ZBP1: variants seen among roughly 807,000 people sequenced by gnomAD.
The protein encoded by ZBP1 is Z-DNA-binding protein 1.
ZBP1 carries 42 observed loss-of-function variants against 41.1 expected under a neutral mutation model. The observed-to-expected ratio is 1.02, with a 90% confidence interval of 0.80 to 1.32. The LOEUF (loss-of-function observed/expected upper bound fraction) is 1.32. ZBP1 is among the 40% of genes most tolerant of loss of function. The pLI is 0.00. For synonymous variants in ZBP1, 214 were observed against 205.2 expected, an observed-to-expected ratio of 1.04 and a Z score of -0.37; for missense variants, 562 against 549.7, an observed-to-expected ratio of 1.02 and a Z score of -0.22.
At chr20:57,608,545 C>T (rs527571236) in intron 7 of ZBP1, among the ~76,000 whole-genome samples, 1 of 152,232 alleles carries the variant, frequency 6.6e-6, no homozygotes. Flanking sequence ...AGCCGGATCC[C>T]CATCTGGTGG....
chr20:57,615,159 G>A lies in ZBP1; in HGVS notation c.329-99C>T, dbSNP rs1600740340. On this transcript the variant is annotated intron_variant, in intron 3 of 7. Coordinates refer to ENST00000371173, the MANE Select transcript of ZBP1 (RefSeq NM_030776.3). ...GTGGCCCTGGACCCAGCCCCTCAAG[G>A]CCTGGTTTCCTCATCTGTAAAATGG... 3.7e-6 allele frequency: 5 copies of A among 1,343,582 alleles called. No individual in the cohort carries two copies. In the East Asian group the frequency reaches 6.9e-5, roughly 19 times the overall value. 83.2% of individuals were successfully genotyped at this position (1,343,582 alleles called of 1,614,324 possible).
In ZBP1 at chr20:57,613,013, C is replaced by T. The variant is rs1468821873; in HGVS notation, c.670+150G>A. 6.0e-6 allele frequency: 9 copies of T among 1,490,256 alleles called. No individual in the cohort carries two copies. Among genetic ancestry groups the T allele is most frequent in the African/African-American group, 2.8e-5 (2 of 71,800 alleles). 92.3% of individuals were successfully genotyped at this position (1,490,256 alleles called of 1,614,324 possible). ...CAGGTGTCCTCATTCTCAGGACGGC[C>T]GTAAAGGTGGACTGTGGGGGTCTGG... On this transcript the variant is annotated intron_variant, in intron 5 of 7. Coordinates refer to ENST00000371173, the MANE Select transcript of ZBP1 (RefSeq NM_030776.3). This position sits in a 1 kb window ranked among gnomAD's most constrained non-coding sequence, Gnocchi z 4.5.
rs1200591384 is a variant in ZBP1, at chr20:57,610,425, C to A, written c.875-58G>T. On this transcript the variant is annotated intron_variant, in intron 6 of 7. Coordinates refer to ENST00000371173, the MANE Select transcript of ZBP1 (RefSeq NM_030776.3). This position sits in a 1 kb window ranked among gnomAD's most constrained non-coding sequence, Gnocchi z 5.5. ...GGAGCAGCTGGACAGTGGCCGGGAACCCTGACCCCCAGCCTGGTTCACCCT... is the reference window on the plus strand; with the variant it reads ...GGAGCAGCTGGACAGTGGCCGGGAAACCTGACCCCCAGCCTGGTTCACCCT... 5 of 1,580,476 alleles carry A rather than the reference C, an allele frequency of 3.2e-6. No individual in the cohort carries two copies. In the African/African-American group the frequency reaches 4.0e-5, roughly 13 times the overall value.
intron 7 of ZBP1, among the ~76,000 whole-genome samples, chr20:57,606,811 A>G (rs920766671): frequency 1.7e-4 from 26 of 152,214 alleles, no homozygotes; most frequent in African/African-American, 5.8e-4. Flanking sequence ...ATTGAGACTT[A>G]CTGCTTAGAA....
intron 2 of ZBP1, chr20:57,616,022 G>T (rs759878934): frequency 4.3e-5 from 26 of 600,866 alleles, no homozygotes; most frequent in Non-Finnish European, 7.4e-5. Context: ...CTGTGTGCAG[G>T]GCTGGGCTGA....
chr20:57,619,545 T>G (rs2070942517), intron 1 of ZBP1, among the ~76,000 whole-genome samples: 1 of 152,178 alleles, frequency 6.6e-6, no homozygotes, highest in Non-Finnish European at 1.5e-5. Context: ...GAAATGTTAG[T>G]TGAGGAAAGG....
At chr20:57,615,406 A>C in intron 3 of ZBP1, 106 bp downstream of exon 3, 1 of 1,225,552 alleles carries the variant, frequency 8.2e-7, no homozygotes, top group African/African-American at 1.5e-5. Context: ...TGGGTGGGAC[A>C]GGGCCCCTGA....
chr20:57,618,951 G>A (rs79787298), intron 1 of ZBP1, among the ~76,000 whole-genome samples: 5,271 of 152,340 alleles, frequency 0.035, 139 homozygotes, highest in Non-Finnish European at 0.049. Flanking sequence ...GAGGAGATGG[G>A]GGTCAGAGGT....
chr20:57,614,863 A>G (rs758195516), intron 4 of ZBP1, 24 bp downstream of exon 4: 13 of 1,613,400 alleles, frequency 8.1e-6, no homozygotes, highest in Non-Finnish European at 1.1e-5. Context: ...TCTGCAGCCC[A>G]GACACAGGCA....
chr20:57,615,212 G>A (rs776939454), intron 3 of ZBP1, 152 bp from the exon 4 acceptor site: 125 of 864,364 alleles, frequency 1.4e-4, no homozygotes, highest in Middle Eastern at 6.8e-4. Context: ...TCATCATGAC[G>A]CACCGCAGAG....
rs868318981 is a variant in ZBP1 at position 57,610,536 on chromosome 20, C to T, written c.875-169G>A. ...GCCACACCTCCACCCGCCACACCTCCGCTCGTGCTGTTGTGCTGTCTGGGA... is the reference window on the plus strand; with the variant it reads ...GCCACACCTCCACCCGCCACACCTCTGCTCGTGCTGTTGTGCTGTCTGGGA... On this transcript the variant is annotated intron_variant, in intron 6 of 7. Transcript: ENST00000371173. The surrounding 1 kb of genome is among the most constrained non-coding windows in gnomAD (Gnocchi z 5.5). 99 of 665,434 alleles carry T rather than the reference C, an allele frequency of 1.5e-4. No individual in the cohort carries two copies. The highest frequency in any genetic ancestry group is 1.5e-3 in the African/African-American group (82 of 55,268). The allele number at this position is 665,434 out of a possible 1,614,324, so 41.2% of individuals were successfully genotyped here.
chr20:57,606,588 G>C (rs1178493784), intron 7 of ZBP1, among the ~76,000 whole-genome samples: 1 of 152,218 alleles, frequency 6.6e-6, no homozygotes, highest in Non-Finnish European at 1.5e-5. Flanking sequence ...TCAATGCCTG[G>C]CTTCAAAGCT....
At position 57,615,560 on chromosome 20, in the gene ZBP1, C is replaced by T. The variant is rs140114708; in HGVS notation, c.280G>A (p.Ala94Thr). The change falls in exon 3 of 8, where the codon GCA (alanine) becomes ACA (threonine). Residue 94 changes from alanine (A) to threonine (T), a missense_variant. Coordinates refer to ENST00000371173, the MANE Select transcript of ZBP1 (RefSeq NM_030776.3). The part of the protein sequence containing the change: ...SSPAERPQQH[A>T]ATIPETPGPQ... ...CCAGGGGTCTCTGGAATTGTAGCTG[C>T]ATGTTGCTGGGGCCTCTCGGCTGCA... is the stretch of plus-strand genomic sequence containing the variant. The T allele has an allele frequency of 3.0e-5, 49 of 1,613,068 alleles. No homozygotes were observed. The African/African-American group carries it at 4.3e-4, about 14-fold the overall frequency.
rs2070744122 is a variant in ZBP1 at position 57,613,876 on chromosome 20, C to T, written c.503-546G>A. On this transcript the variant is annotated intron_variant, in intron 4 of 7. Coordinates refer to ENST00000371173, the MANE Select transcript of ZBP1 (RefSeq NM_030776.3). This position sits in a 1 kb window ranked among gnomAD's most constrained non-coding sequence, Gnocchi z 4.5. ...CCCGTCATGAGTAGCAGAGTCAGCC[C>T]TGCAGAGGTTGAGGCAGGCACCTGC... Among the ~76,000 whole-genome samples the T allele has an allele frequency of 1.3e-5, 2 of 152,236 alleles. No homozygotes were observed. The highest frequency in any genetic ancestry group is 2.9e-5 in the Non-Finnish European group (2 of 68,038).
intron 5 of ZBP1, among the ~76,000 whole-genome samples, chr20:57,612,297 A>T (rs921954199): frequency 1.3e-5 from 2 of 152,186 alleles, no homozygotes; most frequent in African/African-American, 4.8e-5. Context: ...CAGGGACAAC[A>T]TTTATTTTTA....
intron 6 of ZBP1, among the ~76,000 whole-genome samples, 179 bp downstream of exon 6, chr20:57,611,548 C>T (rs1204881515): frequency 2.6e-5 from 4 of 151,786 alleles, no homozygotes; most frequent in East Asian, 3.9e-4. Flanking sequence ...TGAGCTCCCG[C>T]GCCCAGCCTA....
intron 5 of ZBP1, among the ~76,000 whole-genome samples, chr20:57,612,659 C>T (rs2070704962): frequency 6.6e-6 from 1 of 152,202 alleles, no homozygotes; most frequent in Non-Finnish European, 1.5e-5. Context: ...GCTCAAAGTG[C>T]AACACCGCAT....
In ZBP1 at chr20:57,610,802, A is replaced by C. The variant is rs2070644098; in HGVS notation, c.875-435T>G. 2.9e-5 allele frequency: 7 copies of C among 244,414 alleles called. No individual in the cohort carries two copies. Among genetic ancestry groups the C allele is most frequent in the Non-Finnish European group, 4.0e-5 (5 of 123,568 alleles). 15.1% of individuals were successfully genotyped at this position (244,414 alleles called of 1,614,324 possible). ...CCCAAACTTCTGAAGAATCATCCAC[A>C]CTGAGTCCCGCCCCCTCCACCCCCG... On this transcript the variant is annotated intron_variant, in intron 6 of 7. Coordinates refer to ENST00000371173, the MANE Select transcript of ZBP1 (RefSeq NM_030776.3). The surrounding 1 kb of genome is among the most constrained non-coding windows in gnomAD (Gnocchi z 5.5).
At chr20:57,615,780 G>A in intron 2 of ZBP1, 200 bp from the exon 3 acceptor site, 2 of 557,046 alleles carry the variant, frequency 3.6e-6, no homozygotes, top group East Asian at 3.2e-5. Context: ...CTTCTCCGGG[G>A]CTCAGCCTCC....
Sources: allele counts gnomAD v4.1 joint callset (sites outside exome capture counted in the v4.1 genomes callset), GRCh38; gene constraint gnomAD v4.1.1; non-coding constraint Gnocchi (gnomAD v3.1); transcripts MANE v1.5; gene names NCBI Gene and HGNC (gene_info 2026-07-23, HGNC 2026-07-21).